Variants in ARL15 observed in about 807,000 individuals in gnomAD.
The protein encoded by ARL15 is ADP-ribosylation factor-like protein 15.
In ARL15, 19 loss-of-function variants were observed where a neutral mutation model predicts 25.2. The observed-to-expected ratio is 0.75, with a 90% CI of 0.53 to 1.10. The LOEUF is 1.10. Ranked by LOEUF, ARL15 falls within the 50% of genes least tolerant of loss-of-function variation. ARL15 has a pLI of 0.00. For missense variants in ARL15, 220 were observed against 246.0 expected, an observed-to-expected ratio of 0.89 and a Z score of 0.71; for synonymous variants, 94 against 86.8, an observed-to-expected ratio of 1.08 and a Z score of -0.46.
intron 3 of ARL15, among the ~76,000 whole-genome samples, chr5:54,129,725 G>A (rs920238004): frequency 2.0e-5 from 3 of 152,008 alleles, no homozygotes; most frequent in Non-Finnish European, 2.9e-5. Context: ...TCTGATGAAC[G>A]CCATTACCAA....
chr5:54,138,824 G>A (rs764129369), intron 3 of ARL15, among the ~76,000 whole-genome samples: 6 of 151,576 alleles, frequency 4.0e-5, no homozygotes, highest in Admixed American at 6.6e-5. Flanking sequence ...AAATCAGCAA[G>A]AAAAAAACAA....
intron 4 of ARL15, among the ~76,000 whole-genome samples, chr5:53,987,496 C>G (rs1269867992): frequency 6.7e-6 from 1 of 150,308 alleles, no homozygotes; most frequent in Non-Finnish European, 1.5e-5. Flanking sequence ...TTTTTGAGAA[C>G]CAACTCACAC....
chr5:54,269,112 C>T (rs1379357622), intron 1 of ARL15, among the ~76,000 whole-genome samples: 1 of 151,906 alleles, frequency 6.6e-6, no homozygotes, highest in Non-Finnish European at 1.5e-5. Flanking sequence ...AGGAGATATA[C>T]CTAATGCTAA....
chr5:54,057,988 C>CTTTTTTTT (rs1554037135), intron 4 of ARL15, among the ~76,000 whole-genome samples: 1 of 32,718 alleles, frequency 3.1e-5, no homozygotes, highest in African/African-American at 1.0e-4. Flanking sequence ...TTACTGGTGC[C>CTTTTTTTT]TTTATTTATT....
intron 1 of ARL15, among the ~76,000 whole-genome samples, chr5:54,182,692 T>A (rs370180926): frequency 6.6e-6 from 1 of 151,850 alleles, no homozygotes; most frequent in Admixed American, 6.6e-5. Context: ...GAAGAAAGTC[T>A]TTGGTAGCTT....
At chr5:54,103,784 A>G (rs1429462464) in intron 4 of ARL15, among the ~76,000 whole-genome samples, 2 of 152,224 alleles carry the variant, frequency 1.3e-5, no homozygotes, top group Non-Finnish European at 1.5e-5. Flanking sequence ...ATTCATTGCA[A>G]AAGATGAAAG....
At chr5:54,134,384 C>T (rs1047735338) in intron 3 of ARL15, among the ~76,000 whole-genome samples, 1 of 151,942 alleles carries the variant, frequency 6.6e-6, no homozygotes, top group African/African-American at 2.4e-5. Context: ...ACTGACTTAC[C>T]CCCAAATTCG....
intron 1 of ARL15, among the ~76,000 whole-genome samples, chr5:54,279,550 T>C (rs1758004331): frequency 6.6e-6 from 1 of 152,150 alleles, no homozygotes; most frequent in East Asian, 1.9e-4. Flanking sequence ...TAAACCTAAT[T>C]ATCTCCCAAA....
intron 1 of ARL15, among the ~76,000 whole-genome samples, chr5:54,305,483 A>T (rs1002028977): frequency 1.3e-5 from 2 of 152,110 alleles, no homozygotes; most frequent in Non-Finnish European, 2.9e-5. Context: ...AATAAATAAA[A>T]AATCCCCAAC....
intron 4 of ARL15, among the ~76,000 whole-genome samples, chr5:54,068,432 C>A (rs968659982): frequency 6.6e-6 from 1 of 152,190 alleles, no homozygotes; most frequent in Non-Finnish European, 1.5e-5. Context: ...TCGACCACAA[C>A]CATTTGGACC....
intron 4 of ARL15, among the ~76,000 whole-genome samples, chr5:53,914,850 G>A (rs1006364228): frequency 6.7e-5 from 10 of 149,242 alleles, no homozygotes; most frequent in South Asian, 2.1e-4. Context: ...TCGCTTCTTC[G>A]CCCAGGCTGG....
chr5:53,966,423 T>C (rs1747568774), intron 4 of ARL15, among the ~76,000 whole-genome samples: 1 of 152,184 alleles, frequency 6.6e-6, no homozygotes, highest in Non-Finnish European at 1.5e-5. Context: ...TAAGTAAGTG[T>C]TTCCCTGAGT....
intron 3 of ARL15, among the ~76,000 whole-genome samples, chr5:54,137,398 T>TG (rs1479324171): frequency 6.6e-6 from 1 of 152,220 alleles, no homozygotes; most frequent in Non-Finnish European, 1.5e-5. Context: ...TGTATTGCCA[T>TG]GGGACTTTAC....
At chr5:54,021,121 A>G (rs1455338186) in intron 4 of ARL15, among the ~76,000 whole-genome samples, 1 of 152,176 alleles carries the variant, frequency 6.6e-6, no homozygotes, top group East Asian at 1.9e-4. Flanking sequence ...AGATAACCTA[A>G]GGTCTGGAGT....
intron 3 of ARL15, among the ~76,000 whole-genome samples, chr5:54,115,434 ATGGTG>A (rs1438585304): frequency 6.6e-6 from 1 of 152,146 alleles, no homozygotes; most frequent in African/African-American, 2.4e-5. Flanking sequence ...GGCACATACC[ATGGTG>A]CTTGGGGCGG....
intron 4 of ARL15, among the ~76,000 whole-genome samples, chr5:54,021,788 T>TAC (rs1749611916): frequency 6.6e-6 from 1 of 152,188 alleles, no homozygotes; most frequent in South Asian, 2.1e-4. Flanking sequence ...GATTGAAGTT[T>TAC]AGAGAACCTC....
intron 4 of ARL15, among the ~76,000 whole-genome samples, chr5:54,100,063 T>G (rs1014807667): frequency 6.6e-6 from 1 of 152,248 alleles, no homozygotes. Context: ...CAAGGAGACA[T>G]GTACAAAGAT....
intron 1 of ARL15, among the ~76,000 whole-genome samples, chr5:54,207,257 G>T (rs1002754968): frequency 2.0e-5 from 3 of 152,176 alleles, no homozygotes; most frequent in African/African-American, 7.2e-5. Flanking sequence ...TGCACAGGGA[G>T]ACTAAGAGAA....
intron 1 of ARL15, among the ~76,000 whole-genome samples, chr5:54,215,798 G>T (rs144042601): frequency 6.6e-6 from 1 of 150,514 alleles, no homozygotes. Context: ...AGTCAGGGGT[G>T]GGGGGCTGGG....
Sources: allele counts gnomAD v4.1 joint callset (sites outside exome capture counted in the v4.1 genomes callset), GRCh38; gene constraint gnomAD v4.1.1; transcripts MANE v1.5; gene names NCBI Gene and HGNC (gene_info 2026-07-23, HGNC 2026-07-21).